The following FAM114A1 variants were observed in gnomAD, a reference collection of about 807,000 sequenced individuals.
The protein encoded by FAM114A1 is family with sequence similarity 114 member A1, also known as protein NOXP20.
Under a neutral mutation model 64.3 loss-of-function variants are expected in FAM114A1, and 62 were observed. The observed-to-expected ratio is 0.96, with a 90% CI of 0.79 to 1.19. The LOEUF is 1.19. Among genes scored for constraint, FAM114A1 ranks in the 50% most tolerant of loss-of-function variants. FAM114A1 has a pLI of 0.00. For missense variants in FAM114A1, 645 were observed against 676.3 expected, an observed-to-expected ratio of 0.95 and a Z score of 0.51; for synonymous variants, 254 against 251.1, an observed-to-expected ratio of 1.01 and a Z score of -0.11.
chr4:38,878,715 C>T (rs1220256286), intron 3 of FAM114A1, among the ~76,000 whole-genome samples: 1 of 152,202 alleles, frequency 6.6e-6, no homozygotes, highest in African/African-American at 2.4e-5. Context: ...TTCACTCCAT[C>T]AACAGTTCAA....
intron 3 of FAM114A1, among the ~76,000 whole-genome samples, chr4:38,889,601 T>G (rs1716130701): frequency 6.6e-6 from 1 of 152,176 alleles, no homozygotes; most frequent in African/African-American, 2.4e-5. Context: ...TATGCCACTA[T>G]TGTTTGCATT....
At chr4:38,873,930 A>T (rs559010735) in intron 2 of FAM114A1, among the ~76,000 whole-genome samples, 11 of 152,208 alleles carry the variant, frequency 7.2e-5, no homozygotes, top group African/African-American at 2.6e-4. Context: ...GAAGGATGGG[A>T]AGTAAGGGGA....
chr4:38,908,025 G>A (rs180955414), intron 6 of FAM114A1, among the ~76,000 whole-genome samples: 50 of 152,108 alleles, frequency 3.3e-4, no homozygotes, highest in African/African-American at 1.1e-3. Flanking sequence ...CTCATTTCAT[G>A]GATATACTAA....
chr4:38,936,724 T>C (rs972203752), intron 13 of FAM114A1, among the ~76,000 whole-genome samples: 5 of 152,246 alleles, frequency 3.3e-5, no homozygotes, highest in Middle Eastern at 3.4e-3. Flanking sequence ...AGCTAACTTA[T>C]GTATTTTTAG....
intron 10 of FAM114A1, 125 bp from the exon 11 acceptor site, chr4:38,931,326 T>G: frequency 8.6e-7 from 1 of 1,156,368 alleles, no homozygotes; most frequent in Non-Finnish European, 1.2e-6. Flanking sequence ...TGCCCCGTCA[T>G]CCTCCAAACA....
At chr4:38,927,995 T>G (rs926574294) in intron 9 of FAM114A1, among the ~76,000 whole-genome samples, 1 of 152,236 alleles carries the variant, frequency 6.6e-6, no homozygotes. Flanking sequence ...TTATCTGTTT[T>G]GATTATTGAT....
chr4:38,910,425 T>G lies in FAM114A1; in HGVS notation c.792+1699T>G, dbSNP rs529136084. ...AGGAGCTCGTCCCAGGGGGCTCTCA[T>G]GGCTAGCACACTTCTGAGCCCACAT... is the stretch of plus-strand genomic sequence containing the variant. On this transcript the variant is annotated intron_variant, in intron 7 of 14. Coordinates refer to ENST00000358869, the MANE Select transcript of FAM114A1 (RefSeq NM_138389.4). 3.9e-5 allele frequency among the ~76,000 whole-genome samples: 6 copies of G among 152,324 alleles called. 1 individual carries two copies. The South Asian group carries it at 1.2e-3, about 32-fold the overall frequency.
At chr4:38,898,024 T>C (rs1717116561) in intron 4 of FAM114A1, among the ~76,000 whole-genome samples, 1 of 152,016 alleles carries the variant, frequency 6.6e-6, no homozygotes, top group African/African-American at 2.4e-5. Context: ...TAGACCTGAC[T>C]TGCTTCCAAA....
chr4:38,914,669 G>A (rs1718867847), intron 7 of FAM114A1: 9 of 412,662 alleles, frequency 2.2e-5, no homozygotes, highest in Non-Finnish European at 2.2e-5. Context: ...TTTCTTAACA[G>A]TTTATTCCCA....
chr4:38,945,106 C>G lies in FAM114A1; in HGVS notation c.*1549C>G, dbSNP rs750007330. The G allele has an allele frequency of 6.6e-6, 1 of 152,084 alleles. No individual in the cohort carries two copies. The highest frequency in any genetic ancestry group is 1.9e-4 in the East Asian group (1 of 5,196). 9.4% of individuals were successfully genotyped at this position (152,084 alleles called of 1,614,324 possible). On this transcript the variant is annotated 3_prime_UTR_variant, in exon 15 of 15. Transcript: ENST00000358869. Reference sequence around the variant, plus strand: ...GTTTAAAATTAATTTCTTACGATCACGAGCACATGGTGGCATAATTACAAA... The same window carrying G: ...GTTTAAAATTAATTTCTTACGATCAGGAGCACATGGTGGCATAATTACAAA...
intron 12 of FAM114A1, among the ~76,000 whole-genome samples, chr4:38,935,309 G>A (rs2109798397): frequency 6.6e-6 from 1 of 152,264 alleles, no homozygotes; most frequent in South Asian, 2.1e-4. Context: ...ATATGATTAG[G>A]CACACAAAAG....
intron 8 of FAM114A1, among the ~76,000 whole-genome samples, chr4:38,921,715 C>G (rs919031102): frequency 1.2e-4 from 18 of 152,114 alleles, no homozygotes; most frequent in African/African-American, 4.3e-4. Context: ...AGGACAGTGC[C>G]CTTCCTAGTG....
chr4:38,913,555 G>A (rs558559858), intron 7 of FAM114A1, among the ~76,000 whole-genome samples: 26 of 151,830 alleles, frequency 1.7e-4, no homozygotes, highest in Admixed American at 1.4e-3. Context: ...CACCATGCCC[G>A]GCTAATTTTT....
chr4:38,939,193 T>C (rs4832793), intron 13 of FAM114A1, among the ~76,000 whole-genome samples: 70,733 of 151,726 alleles, frequency 0.47, 18,159 homozygotes, highest in African/African-American at 0.68. Context: ...TGTACACACA[T>C]ACACATACAA....
Position 38,929,378 on chromosome 4 carries a change from G to T in FAM114A1, c.1161+45G>T, listed in dbSNP as rs370970875. 3.0e-6 allele frequency: 4 copies of T among 1,319,948 alleles called. No homozygotes were observed. In the South Asian group the frequency reaches 3.7e-5, roughly 12 times the overall value. 81.8% of individuals were successfully genotyped at this position (1,319,948 alleles called of 1,614,324 possible). A position where few individuals can be genotyped will look rare whatever the true frequency, so the allele number is the denominator to read the frequency against. On this transcript the variant is annotated intron_variant, in intron 10 of 14. Coordinates refer to ENST00000358869, the MANE Select transcript of FAM114A1 (RefSeq NM_138389.4). ...TAGTTTCTGGTTAAAAAAAAACAGT[G>T]CAGGGGAGAGTCTCTGTTGTAAAGT...
chr4:38,914,869 A>G lies in FAM114A1; in HGVS notation c.793-52A>G. On this transcript the variant is annotated intron_variant, in intron 7 of 14. Coordinates refer to ENST00000358869, the MANE Select transcript of FAM114A1 (RefSeq NM_138389.4). ...AACCTCCCCCATGTCTTACACAGGAAACGGTGCTTTTAAATGTACATCCAG... is the reference window on the plus strand; with the variant it reads ...AACCTCCCCCATGTCTTACACAGGAGACGGTGCTTTTAAATGTACATCCAG... The G allele has an allele frequency of 1.9e-6, 3 of 1,583,690 alleles. No individual in the cohort carries two copies. The Admixed American group carries it at 5.1e-5, about 27-fold the overall frequency.
chr4:38,899,287 G>A (rs1311853585), intron 4 of FAM114A1, among the ~76,000 whole-genome samples: 1 of 152,136 alleles, frequency 6.6e-6, no homozygotes, highest in African/African-American at 2.4e-5. Flanking sequence ...ATCCCATTGG[G>A]AGCTTGGGGT....
intron 4 of FAM114A1, among the ~76,000 whole-genome samples, chr4:38,894,128 A>G (rs1178416306): frequency 7.4e-6 from 1 of 135,742 alleles, no homozygotes; most frequent in African/African-American, 2.8e-5. Flanking sequence ...ACGCCCCTGC[A>G]CTCCAGCCTG....
chr4:38,912,329 C>T (rs536923728), intron 7 of FAM114A1, among the ~76,000 whole-genome samples: 17 of 152,192 alleles, frequency 1.1e-4, no homozygotes, highest in Non-Finnish European at 1.9e-4. Flanking sequence ...AACCAGCCTC[C>T]GTTGTCAAGC....
Sources: allele counts gnomAD v4.1 joint callset (sites outside exome capture counted in the v4.1 genomes callset), GRCh38; gene constraint gnomAD v4.1.1; transcripts MANE v1.5; gene names NCBI Gene and HGNC (gene_info 2026-07-23, HGNC 2026-07-21).